Variants in ULK4 observed in about 807,000 individuals in gnomAD.
ULK4 encodes unc-51 like kinase 4.
Under a neutral mutation model 160.6 loss-of-function variants are expected in ULK4, and 133 were observed. The observed-to-expected ratio is 0.83, with a 90% CI of 0.72 to 0.96. ULK4 has a LOEUF of 0.96. ULK4 is among the 40% of genes least tolerant of loss of function. ULK4 has a pLI of 0.00. For missense variants in ULK4, 1,580 were observed against 1,499.5 expected (o/e 1.05, Z -0.89); for synonymous variants, 534 against 539.8 (o/e 0.99, Z 0.15).
chr3:41,623,831 C>T (rs1448564622), intron 30 of ULK4, among the ~76,000 whole-genome samples: 1 of 151,970 alleles, frequency 6.6e-6, no homozygotes, highest in East Asian at 1.9e-4. Context: ...TAAGTGTTCC[C>T]ACCACAAAGA....
chr3:41,324,843 T>C (rs994576534), intron 35 of ULK4, among the ~76,000 whole-genome samples: 8 of 152,218 alleles, frequency 5.3e-5, no homozygotes, highest in Non-Finnish European at 7.3e-5. Context: ...GAGTCTCTTT[T>C]GGTTTTCTTG....
intron 8 of ULK4, chr3:41,915,312 T>C (rs1698928712): frequency 1.3e-5 from 2 of 152,188 alleles, no homozygotes; most frequent in Non-Finnish European, 1.5e-5. Context: ...TGGATTCTTG[T>C]ATATGCTACA....
rs563084307 is a variant in ULK4, at chr3:41,546,695, A to G, written c.3226+19330T>C. ...TCCTCACTAGCTCACATCCCTAAACACTGGTCTCTTCCTTCCCAAGCTCAA... is the reference window on the plus strand; with the variant it reads ...TCCTCACTAGCTCACATCCCTAAACGCTGGTCTCTTCCTTCCCAAGCTCAA... On this transcript the variant is annotated intron_variant, in intron 32 of 36. Coordinates refer to ENST00000301831, the MANE Select transcript of ULK4 (RefSeq NM_017886.4). Among the ~76,000 whole-genome samples the G allele has an allele frequency of 1.3e-4, 19 of 147,556 alleles. No individual in the cohort carries two copies. The South Asian group carries it at 4.1e-3, about 32-fold the overall frequency.
At chr3:41,848,308 T>C (rs1307808701) in intron 17 of ULK4, among the ~76,000 whole-genome samples, 2 of 152,338 alleles carry the variant, frequency 1.3e-5, no homozygotes, top group Non-Finnish European at 2.9e-5. Context: ...TTGGAGATAC[T>C]AGGTAAACAA....
At chr3:41,651,949 C>A (rs931360597) in intron 30 of ULK4, among the ~76,000 whole-genome samples, 1 of 152,150 alleles carries the variant, frequency 6.6e-6, no homozygotes, top group Admixed American at 6.5e-5. Context: ...GCTAACCCCT[C>A]CTTGAGAAAA....
intron 31 of ULK4, among the ~76,000 whole-genome samples, chr3:41,574,328 G>A (rs960891752): frequency 1.1e-4 from 16 of 151,888 alleles, no homozygotes; most frequent in East Asian, 1.9e-4. Flanking sequence ...TAGAATCATC[G>A]GGACTACTGC....
intron 32 of ULK4, among the ~76,000 whole-genome samples, chr3:41,532,047 C>T (rs1275408304): frequency 6.6e-6 from 1 of 152,150 alleles, no homozygotes; most frequent in Non-Finnish European, 1.5e-5. Flanking sequence ...GTTAGCCAAC[C>T]AAGACAGACA....
At chr3:41,552,105 T>C (rs563001622) in intron 32 of ULK4, among the ~76,000 whole-genome samples, 50 of 152,058 alleles carry the variant, frequency 3.3e-4, no homozygotes, top group Non-Finnish European at 6.6e-4. Context: ...TGAAGGAATA[T>C]ACCTCAGTAT....
chr3:41,738,712 C>A lies in ULK4; in HGVS notation c.2321+15649G>T, dbSNP rs117048196. 4.4e-4 allele frequency among the ~76,000 whole-genome samples: 67 copies of A among 152,054 alleles called. No individual in the cohort carries two copies. The East Asian group carries it at 9.3e-3, about 21-fold the overall frequency. On this transcript the variant is annotated intron_variant, in intron 22 of 36. Transcript: ENST00000301831. The stretch of plus-strand genomic sequence containing the variant: ...TCCAGGTCAAAAACAAGTTATTGCA[C>A]CTTCTGTTGACTGTAACCAAAAAAA...
At chr3:41,417,078 G>A (rs555299309) in intron 34 of ULK4, among the ~76,000 whole-genome samples, 28 of 152,274 alleles carry the variant, frequency 1.8e-4, no homozygotes, top group African/African-American at 6.5e-4. Flanking sequence ...GGGCCAAGGA[G>A]TGACCACCTG....
intron 32 of ULK4, among the ~76,000 whole-genome samples, chr3:41,564,897 G>T (rs922796046): frequency 3.3e-5 from 5 of 152,156 alleles, no homozygotes; most frequent in African/African-American, 1.2e-4. Context: ...GCAACTTTCA[G>T]TCCTTCAAGC....
intron 27 of ULK4, among the ~76,000 whole-genome samples, chr3:41,694,092 C>A (rs2036404145): frequency 6.6e-6 from 1 of 152,126 alleles, no homozygotes; most frequent in South Asian, 2.1e-4. Flanking sequence ...CAATTTATTA[C>A]AGGATTAGCA....
intron 15 of ULK4, among the ~76,000 whole-genome samples, chr3:41,895,812 T>C (rs1406373672): frequency 4.6e-5 from 7 of 152,138 alleles, no homozygotes; most frequent in African/African-American, 1.2e-4. Flanking sequence ...CCTTACCTGA[T>C]AGACACACAC....
intron 34 of ULK4, among the ~76,000 whole-genome samples, chr3:41,409,915 C>T (rs942841626): frequency 4.0e-5 from 6 of 151,462 alleles, no homozygotes; most frequent in Non-Finnish European, 7.4e-5. Flanking sequence ...CGCCACTGTA[C>T]TCCAGCCTGG....
chr3:41,788,511 C>T (rs1003388674), intron 21 of ULK4, among the ~76,000 whole-genome samples: 4 of 151,914 alleles, frequency 2.6e-5, no homozygotes, highest in African/African-American at 7.3e-5. Flanking sequence ...GGTGAAACCC[C>T]GTCTCTACTA....
At chr3:41,712,319 G>T (rs2037127762) in intron 25 of ULK4, among the ~76,000 whole-genome samples, 3 of 152,044 alleles carry the variant, frequency 2.0e-5, no homozygotes, top group Non-Finnish European at 4.4e-5. Flanking sequence ...CCCTTCTAAT[G>T]CACAGAGATC....
At chr3:41,616,270 G>GA (rs1559434698) in intron 30 of ULK4, among the ~76,000 whole-genome samples, 1 of 152,136 alleles carries the variant, frequency 6.6e-6, no homozygotes, top group Non-Finnish European at 1.5e-5. Flanking sequence ...TCATAAAAGA[G>GA]AAAACAGCCT....
chr3:41,679,869 T>C (rs1256329612), intron 29 of ULK4, among the ~76,000 whole-genome samples: 1 of 152,146 alleles, frequency 6.6e-6, no homozygotes, highest in Non-Finnish European at 1.5e-5. Context: ...AAAGCACATA[T>C]TTTCTTTTTG....
At chr3:41,418,458 G>A (rs1238226551) in intron 34 of ULK4, among the ~76,000 whole-genome samples, 1 of 151,602 alleles carries the variant, frequency 6.6e-6, no homozygotes, top group Non-Finnish European at 1.5e-5. Flanking sequence ...AAGTGGACCT[G>A]TACAGTTCAA....
Sources: allele counts gnomAD v4.1 joint callset (sites outside exome capture counted in the v4.1 genomes callset), GRCh38; gene constraint gnomAD v4.1.1; transcripts MANE v1.5; gene names NCBI Gene and HGNC (gene_info 2026-07-23, HGNC 2026-07-21).